HACE1: variants seen among roughly 807,000 people sequenced by gnomAD.
HACE1 encodes E3 ubiquitin-protein ligase HACE1.
In HACE1, 73 loss-of-function variants were observed where a neutral mutation model predicts 118.4. The ratio of observed to expected loss-of-function variants is 0.62; its 90% CI spans 0.51 to 0.75. HACE1 has a LOEUF of 0.75. Among genes scored for constraint, HACE1 ranks in the 30% least tolerant of loss-of-function variants. HACE1 has a pLI of 0.00. For synonymous variants in HACE1, 368 were observed against 374.8 expected, an observed-to-expected ratio of 0.98 and a Z score of 0.21; for missense variants, 749 against 1,102.2, an observed-to-expected ratio of 0.68 and a Z score of 4.54.
intron 22 of HACE1, among the ~76,000 whole-genome samples, chr6:104,743,387 A>T (rs1777044002): frequency 6.6e-6 from 1 of 151,920 alleles, no homozygotes; most frequent in Admixed American, 6.5e-5. Context: ...ATGCAGAAAA[A>T]ACATAGAAGA....
At chr6:104,859,167 T>C (rs535023359) in intron 1 of HACE1, among the ~76,000 whole-genome samples, 1 of 151,800 alleles carries the variant, frequency 6.6e-6, no homozygotes, top group Admixed American at 6.6e-5. Context: ...CGATGCAGCT[T>C]AAAGTAAACA....
At chr6:104,840,603 T>C (rs1014162155) in intron 5 of HACE1, among the ~76,000 whole-genome samples, 7 of 149,438 alleles carry the variant, frequency 4.7e-5, no homozygotes, top group African/African-American at 1.7e-4. Context: ...CCAAGGCGGG[T>C]GGATCACCTG....
intron 6 of HACE1, among the ~76,000 whole-genome samples, chr6:104,831,570 G>A (rs1773872862): frequency 1.4e-5 from 2 of 147,722 alleles, no homozygotes; most frequent in Admixed American, 1.4e-4. Context: ...GGGTGACAGA[G>A]CGAGCCTCCG....
Position 104,795,442 on chromosome 6 carries a change from C to T in HACE1, c.923+137G>A, listed in dbSNP as rs964381706. The T allele has an allele frequency of 3.7e-5, 26 of 695,898 alleles. No homozygotes were observed. The African/African-American group carries it at 4.2e-4, about 11-fold the overall frequency. The allele number at this position is 695,898 out of a possible 1,614,324, so 43.1% of individuals were successfully genotyped here. A position where few individuals can be genotyped will look rare whatever the true frequency, so the allele number is the denominator to read the frequency against. On this transcript the variant is annotated intron_variant, in intron 10 of 23. Coordinates refer to ENST00000262903, the MANE Select transcript of HACE1 (RefSeq NM_020771.4). ...AGTTGATTACCCTGGTCCTTTCAAA[C>T]AAAACAAACCAGAAGTCAGCAAATT...
At position 104,811,513 on chromosome 6, in the gene HACE1, T is replaced by C. The variant is rs56868416; in HGVS notation, c.535-120A>G. 0.011 allele frequency: 6,998 copies of C among 615,142 alleles called. 352 individuals carry two copies. In the African/African-American group the frequency reaches 0.12, roughly 10 times the overall value. 38.1% of individuals were successfully genotyped at this position (615,142 alleles called of 1,614,324 possible). On this transcript the variant is annotated intron_variant, in intron 6 of 23. Transcript: ENST00000262903. ...ACAACTTGAAGCTTTACATAGGAAC[T>C]GAGTGGGCACGTGACAATTACTATG...
rs139705105 is a variant in HACE1, at chr6:104,796,727, T to C, written c.744A>G (p.Leu248=). The C allele has an allele frequency of 1.3e-5, 20 of 1,589,546 alleles. No individual in the cohort carries two copies. Among genetic ancestry groups the C allele is most frequent in the African/African-American group, 1.2e-4 (9 of 74,408 alleles). ...QGGYGETCEV[L]IQYHPRLFQT... The stretch of plus-strand genomic sequence containing the variant: ...GAAAAAGCCTCGGGTGATATTGAAT[T>C]AATACTTCACAAGTCTCTCCATATC... Residue 248 remains leucine (L), a synonymous_variant, in exon 9 of 24, where the codon TTA becomes TTG. Transcript: ENST00000262903.
chr6:104,827,340 T>C (rs973341199), intron 6 of HACE1, among the ~76,000 whole-genome samples: 2 of 152,144 alleles, frequency 1.3e-5, no homozygotes, highest in African/African-American at 2.4e-5. Context: ...TAAAAATAAT[T>C]CTGATGACAT....
chr6:104,830,509 A>G (rs1773748549), intron 6 of HACE1, among the ~76,000 whole-genome samples: 1 of 152,180 alleles, frequency 6.6e-6, no homozygotes, highest in African/African-American at 2.4e-5. Flanking sequence ...ACCTTTGCCT[A>G]CTATCTTGAA....
At chr6:104,856,271 C>T (rs1776707681) in intron 1 of HACE1, among the ~76,000 whole-genome samples, 2 of 152,158 alleles carry the variant, frequency 1.3e-5, no homozygotes, top group African/African-American at 4.8e-5. Context: ...TAATTATATA[C>T]AATTTCTCTT....
Position 104,791,570 on chromosome 6 carries a change from G to A in HACE1, c.1008C>T (p.Ser336=). ...MFCHVFRIGP[S]SPSNGIDMGY... Reference sequence around the variant, plus strand: ...CCATATCAATTCCATTACTGGGGGAGGATGGACCAATTCGAAAGACGTGAC... The same window carrying A: ...CCATATCAATTCCATTACTGGGGGAAGATGGACCAATTCGAAAGACGTGAC... The change falls in exon 11 of 24, where the codon TCC becomes TCT. Residue 336 remains serine, a synonymous_variant. Transcript: ENST00000262903. 6.2e-7 allele frequency: 1 copy of A among 1,611,056 alleles called. No individual in the cohort carries two copies. The highest frequency in any genetic ancestry group is 8.5e-7 in the Non-Finnish European group (1 of 1,177,312).
chr6:104,772,729 C>T (rs1383736733), intron 17 of HACE1, among the ~76,000 whole-genome samples: 1 of 151,946 alleles, frequency 6.6e-6, no homozygotes, highest in Non-Finnish European at 1.5e-5. Context: ...ATGGCAAGGG[C>T]AATAAGTTAC....
intron 7 of HACE1, among the ~76,000 whole-genome samples, chr6:104,799,359 A>C (rs184805005): frequency 7.9e-5 from 12 of 152,320 alleles, no homozygotes; most frequent in African/African-American, 2.9e-4. Context: ...AAACACACAC[A>C]TAAGGGTAGT....
chr6:104,754,651 A>G (rs1778410560), intron 19 of HACE1, among the ~76,000 whole-genome samples: 1 of 152,240 alleles, frequency 6.6e-6, no homozygotes, highest in Non-Finnish European at 1.5e-5. Context: ...TAAAGAAAAG[A>G]ATTTCCAACT....
chr6:104,857,618 T>A (rs1297271340), intron 1 of HACE1, among the ~76,000 whole-genome samples: 1 of 150,906 alleles, frequency 6.6e-6, no homozygotes. Context: ...ATGCATCCTA[T>A]GAAATTCTGA....
chr6:104,778,462 C>A (rs1013120335), intron 14 of HACE1, among the ~76,000 whole-genome samples: 31 of 151,830 alleles, frequency 2.0e-4, no homozygotes, highest in African/African-American at 7.3e-4. Context: ...AACAATGAAG[C>A]CAATCCGAGA....
chr6:104,742,024 G>A (rs1348159034), intron 22 of HACE1, among the ~76,000 whole-genome samples: 1 of 147,186 alleles, frequency 6.8e-6, no homozygotes, highest in East Asian at 2.0e-4. Flanking sequence ...ACAACTATCT[G>A]ATCTTTGACA....
chr6:104,803,709 G>A (rs368841448), intron 7 of HACE1, among the ~76,000 whole-genome samples: 36 of 152,166 alleles, frequency 2.4e-4, no homozygotes, highest in African/African-American at 7.9e-4. Context: ...TTGATGGAAC[G>A]TATCTCAAAA....
intron 7 of HACE1, among the ~76,000 whole-genome samples, chr6:104,798,517 A>G: frequency 6.6e-6 from 1 of 152,200 alleles, no homozygotes; most frequent in African/African-American, 2.4e-5. Flanking sequence ...CCTTAATACC[A>G]ATAAGCCCTA....
At chr6:104,775,635 A>T (rs567973861) in intron 17 of HACE1, among the ~76,000 whole-genome samples, 1 of 152,192 alleles carries the variant, frequency 6.6e-6, no homozygotes, top group Non-Finnish European at 1.5e-5. Context: ...CGTCATTCAC[A>T]AAGACACCAA....
Sources: allele counts gnomAD v4.1 joint callset (sites outside exome capture counted in the v4.1 genomes callset), GRCh38; gene constraint gnomAD v4.1.1; transcripts MANE v1.5; gene names NCBI Gene and HGNC (gene_info 2026-07-23, HGNC 2026-07-21).